Variants in ZNF454 observed in about 807,000 individuals in gnomAD.
ZNF454 encodes the protein zinc finger protein 454.
Under a neutral mutation model 48.2 loss-of-function variants are expected in ZNF454, and 30 were observed. That is an observed-to-expected ratio of 0.62 (90% CI 0.47 to 0.84). The LOEUF is 0.84. ZNF454 is among the 40% of genes least tolerant of loss of function. The pLI is 0.00. For missense variants in ZNF454, 510 were observed against 623.1 expected, an observed-to-expected ratio of 0.82 and a Z score of 1.93; for synonymous variants, 204 against 211.4, an observed-to-expected ratio of 0.97 and a Z score of 0.30.
intron 4 of ZNF454, among the ~76,000 whole-genome samples, chr5:178,954,355 GT>G (rs1278006177): frequency 6.6e-6 from 1 of 152,016 alleles, no homozygotes; most frequent in Non-Finnish European, 1.5e-5. Context: ...CTCTATTATT[GT>G]TTGATTTCCA....
intron 4 of ZNF454, among the ~76,000 whole-genome samples, chr5:178,952,815 T>C (rs1263564683): frequency 6.6e-6 from 1 of 152,116 alleles, no homozygotes; most frequent in Non-Finnish European, 1.5e-5. Context: ...TGACTAAACA[T>C]GTGACTTTGC....
At chr5:178,950,339 G>A (rs542539539) in intron 4 of ZNF454, among the ~76,000 whole-genome samples, 9 of 152,306 alleles carry the variant, frequency 5.9e-5, no homozygotes, top group Non-Finnish European at 1.0e-4. Context: ...TGTTGGCTGC[G>A]CCTTTTCATC....
chr5:178,986,865 G>A, the ZNF454 span: 13 of 1,613,976 alleles, frequency 8.1e-6, no homozygotes, highest in Admixed American at 5.0e-5. Context: ...CTGCCCACTG[G>A]CCCACTGCCT....
the ZNF454 span, chr5:178,977,314 T>C: frequency 2.3e-6 from 1 of 430,280 alleles, no homozygotes; most frequent in Admixed American, 2.5e-5. Context: ...AGAGCCCTTA[T>C]AAAAGAGACC....
At chr5:178,989,223 C>T in the ZNF454 span, 1 of 1,134,356 alleles carries the variant, frequency 8.8e-7, no homozygotes, top group Non-Finnish European at 1.3e-6. Flanking sequence ...CCTCACCACC[C>T]TCCCCACCCT....
the ZNF454 span, among the ~76,000 whole-genome samples, chr5:178,971,591 G>A: frequency 1.7e-4 from 26 of 148,638 alleles, no homozygotes; most frequent in African/African-American, 6.2e-4. Flanking sequence ...GGCCATGCCT[G>A]TAATCCCAGC....
At chr5:178,975,345 G>A in the ZNF454 span, among the ~76,000 whole-genome samples, 1 of 152,174 alleles carries the variant, frequency 6.6e-6, no homozygotes, top group Non-Finnish European at 1.5e-5. Context: ...TATTACTCCA[G>A]TGAATGAATG....
intron 4 of ZNF454, among the ~76,000 whole-genome samples, chr5:178,961,089 C>T (rs1759998203): frequency 6.6e-6 from 1 of 151,436 alleles, no homozygotes; most frequent in Admixed American, 6.6e-5. Flanking sequence ...TGCCACTGCA[C>T]CCGGCTAATT....
downstream of ZNF454, among the ~76,000 whole-genome samples, chr5:178,967,731 TTTTTCTTTTTC>T (rs1282858859): frequency 3.1e-3 from 221 of 70,680 alleles, no homozygotes; most frequent in Admixed American, 0.01. Flanking sequence ...TTTTTTTTTC[TTTTTCTTTTTC>T]TTTTTTTTTT....
Position 178,965,777 on chromosome 5 carries a change from A to G in ZNF454, c.1373A>G (p.His458Arg), listed in dbSNP as rs1200571473. 1.9e-6 allele frequency: 3 copies of G among 1,614,166 alleles called. No homozygotes were observed. Among genetic ancestry groups the G allele is most frequent in the Non-Finnish European group, 1.7e-6 (2 of 1,180,030 alleles). Residue 458 changes from histidine to arginine, a missense_variant, in exon 5 of 5, where the codon CAT becomes CGT. His to Arg is a conservative substitution (Grantham distance 29). Coordinates refer to ENST00000519564, the MANE Select transcript of ZNF454 (RefSeq NM_001178089.3). The surrounding 1 kb of genome is among the most constrained non-coding windows in gnomAD (Gnocchi z 5.2). ...AGTGACCATTCAGCCCTTACCCAAC[A>G]TAAGAGAATTCATACTAGGGAAAAA... is the stretch of plus-strand genomic sequence containing the variant. ...AFSDHSALTQ[H>R]KRIHTREKPY...
At chr5:178,945,330 G>C (rs1156436948) in intron 2 of ZNF454, among the ~76,000 whole-genome samples, 1 of 151,332 alleles carries the variant, frequency 6.6e-6, no homozygotes, top group African/African-American at 2.4e-5. Context: ...GTTTGTGTGT[G>C]TTTGTATGTG....
chr5:178,970,881 C>T (rs1209421524), downstream of ZNF454, among the ~76,000 whole-genome samples: 1 of 152,164 alleles, frequency 6.6e-6, no homozygotes, highest in African/African-American at 2.4e-5. Flanking sequence ...AAGTGTTTCT[C>T]TCTGTAGCCA....
intron 4 of ZNF454, among the ~76,000 whole-genome samples, chr5:178,961,357 A>G (rs1032251225): frequency 5.0e-5 from 6 of 120,226 alleles, no homozygotes; most frequent in African/African-American, 2.4e-4. Flanking sequence ...CCTTCCTTCT[A>G]TTGGATTAAA....
chr5:178,987,038 C>T, the ZNF454 span: 21 of 1,572,826 alleles, frequency 1.3e-5, no homozygotes, highest in Admixed American at 3.5e-5. Context: ...GAGCTGGCCT[C>T]CTGGGGAGGC....
At chr5:178,942,584 A>G (rs1759150883) in intron 1 of ZNF454, 101 bp from the exon 2 acceptor site, 4 of 526,134 alleles carry the variant, frequency 7.6e-6, no homozygotes, top group Non-Finnish European at 1.3e-5. Flanking sequence ...GAACCAAAAC[A>G]CTCACTGCTT....
chr5:178,971,828 G>C, the ZNF454 span, among the ~76,000 whole-genome samples: 1 of 137,070 alleles, frequency 7.3e-6, no homozygotes, highest in Non-Finnish European at 1.5e-5. Flanking sequence ...TGCACTCCAG[G>C]CTGGGCAGCG....
At chr5:178,989,444 G>A in the ZNF454 span, 6 of 1,613,118 alleles carry the variant, frequency 3.7e-6, no homozygotes, top group Non-Finnish European at 3.4e-6. Flanking sequence ...GCGCTGACCT[G>A]AGCCAGCTGT....
At chr5:178,966,662 G>A (rs887151639), downstream of ZNF454, among the ~76,000 whole-genome samples, 6 of 152,018 alleles carry the variant, frequency 3.9e-5, no homozygotes, top group South Asian at 4.2e-4. Context: ...AATGGCCTAC[G>A]AGCGTTGCAC....
chr5:178,974,300 TGTTGTGGTTGTG>T, the ZNF454 span, among the ~76,000 whole-genome samples: 5 of 144,098 alleles, frequency 3.5e-5, no homozygotes, highest in African/African-American at 1.5e-4. Context: ...TTGTTGTGGT[TGTTGTGGTTGTG>T]GTTGTTGTTG....
Sources: allele counts gnomAD v4.1 joint callset (sites outside exome capture counted in the v4.1 genomes callset), GRCh38; gene constraint gnomAD v4.1.1; non-coding constraint Gnocchi (gnomAD v3.1); transcripts MANE v1.5; gene names NCBI Gene and HGNC (gene_info 2026-07-23, HGNC 2026-07-21).